Variants in SEL1L observed in about 807,000 individuals in gnomAD.
SEL1L encodes the protein protein sel-1 homolog 1.
Under a neutral mutation model 109.8 loss-of-function variants are expected in SEL1L, and 52 were observed. The ratio of observed to expected loss-of-function variants is 0.47; its 90% confidence interval spans 0.38 to 0.60. The LOEUF (loss-of-function observed/expected upper bound fraction) is 0.60, where lower values mean the gene tolerates loss of function less well. Among genes scored for constraint, SEL1L ranks in the 20% least tolerant of loss-of-function variants. The pLI is 0.00. For missense variants in SEL1L, 749 were observed against 962.2 expected (o/e 0.78, Z 2.93); for synonymous variants, 373 against 339.6 (o/e 1.10, Z -1.08).
chr14:81,483,380 T>C (rs555332258), intron 19 of SEL1L, among the ~76,000 whole-genome samples: 1 of 152,350 alleles, frequency 6.6e-6, no homozygotes, highest in Admixed American at 6.5e-5. Flanking sequence ...CATGAATTTT[T>C]CTTAACACTT....
chr14:81,477,303 A>ATTGTGTGTGTG, intron 20 of SEL1L, 122 bp from the exon 21 acceptor site: 1 of 540,552 alleles, frequency 1.8e-6, no homozygotes, highest in Non-Finnish European at 3.3e-6. Context: ...ACGTTTTGCA[A>ATTGTGTGTGTG]TGTGTGTGTG....
intron 1 of SEL1L, 82 bp downstream of exon 1, chr14:81,533,593 C>A: frequency 1.5e-6 from 2 of 1,371,586 alleles, no homozygotes; most frequent in Non-Finnish European, 2.0e-6. Context: ...GGTCCCGAGC[C>A]TGGAGTCCCC....
intron 3 of SEL1L, among the ~76,000 whole-genome samples, chr14:81,510,753 T>C (rs531396191): frequency 8.5e-5 from 13 of 152,208 alleles, no homozygotes; most frequent in South Asian, 6.2e-4. Flanking sequence ...CTTCCAAACA[T>C]AGAGTACTAA....
In SEL1L at chr14:81,476,378, C is replaced by T. The variant is rs76854770; in HGVS notation, c.*594G>A. The T allele has an allele frequency of 0.046, 7,022 of 152,384 alleles. 503 individuals are homozygous for T. Among genetic ancestry groups the T allele is most frequent in the African/African-American group, 0.15 (6,408 of 41,510 alleles). The allele number at this position is 152,384 out of a possible 1,614,324, so 9.4% of individuals were successfully genotyped here. A position where few individuals can be genotyped will look rare whatever the true frequency, so the allele number is the denominator to read the frequency against. On this transcript the variant is annotated 3_prime_UTR_variant, in exon 21 of 21. Transcript: ENST00000336735. The stretch of plus-strand genomic sequence containing the variant: ...CGTGTGACAATCACCAATAAGAAAC[C>T]TCCCAACCCTCCCTTTTAAAATAAC...
intron 10 of SEL1L, among the ~76,000 whole-genome samples, chr14:81,496,962 A>G (rs532601668): frequency 2.6e-5 from 4 of 152,322 alleles, no homozygotes; most frequent in African/African-American, 9.6e-5. Context: ...GATAACCACT[A>G]CAAGAGTAGC....
intron 3 of SEL1L, among the ~76,000 whole-genome samples, chr14:81,524,226 T>G (rs145047373): frequency 6.6e-6 from 1 of 152,118 alleles, no homozygotes; most frequent in South Asian, 2.1e-4. Context: ...CCAAAACCCC[T>G]AGGCAAAAGA....
At chr14:81,530,705 A>G (rs1451108333) in intron 1 of SEL1L, among the ~76,000 whole-genome samples, 1 of 152,232 alleles carries the variant, frequency 6.6e-6, no homozygotes, top group Non-Finnish European at 1.5e-5. Flanking sequence ...TTATTAATAG[A>G]AAAGAGAAAA....
chr14:81,501,077 C>G (rs189920614), intron 6 of SEL1L, among the ~76,000 whole-genome samples: 47 of 152,290 alleles, frequency 3.1e-4, no homozygotes, highest in African/African-American at 1.1e-3. Context: ...TGAAAACACC[C>G]TAATGAATCC....
intron 3 of SEL1L, among the ~76,000 whole-genome samples, chr14:81,518,969 G>A (rs1884810853): frequency 6.6e-6 from 1 of 152,110 alleles, no homozygotes; most frequent in African/African-American, 2.4e-5. Context: ...GTTGGCCCTT[G>A]GTTAGCATCT....
At chr14:81,506,487 T>C (rs922277515) in intron 3 of SEL1L, among the ~76,000 whole-genome samples, 4 of 152,200 alleles carry the variant, frequency 2.6e-5, no homozygotes, top group Non-Finnish European at 5.9e-5. Flanking sequence ...GTTCCTGATA[T>C]ATAACCTTAG....
At position 81,476,921 on chromosome 14, in the gene SEL1L, CA is replaced by C; in HGVS notation, c.*50del. 1 of 1,584,198 alleles carries C rather than the reference CA, an allele frequency of 6.3e-7. No homozygotes were observed. The highest frequency in any genetic ancestry group is 8.6e-7 in the Non-Finnish European group (1 of 1,157,346). Reference sequence around the variant, plus strand: ...GTCCTAAATCAAATGCAAGTGTTCCCAGCAGATAACTTCCTTCGCTGTCACT... The same window carrying C: ...GTCCTAAATCAAATGCAAGTGTTCCCGCAGATAACTTCCTTCGCTGTCACT... On this transcript the variant is annotated 3_prime_UTR_variant, in exon 21 of 21. Transcript: ENST00000336735.
chr14:81,522,406 T>C (rs1884946290), intron 3 of SEL1L, among the ~76,000 whole-genome samples: 1 of 152,208 alleles, frequency 6.6e-6, no homozygotes, highest in Non-Finnish European at 1.5e-5. Flanking sequence ...TAAAAATCTT[T>C]TATACCATAT....
At position 81,473,586 on chromosome 14, in the gene SEL1L, T is replaced by C. The variant is rs191984106; in HGVS notation, c.*3386A>G. 7 of 152,316 alleles carry C rather than the reference T, an allele frequency of 4.6e-5. No homozygotes were observed. Among genetic ancestry groups the C allele is most frequent in the South Asian group, 2.1e-4 (1 of 4,830 alleles). The allele number at this position is 152,316 out of a possible 1,614,324, so 9.4% of individuals were successfully genotyped here. A position where few individuals can be genotyped will look rare whatever the true frequency, so the allele number is the denominator to read the frequency against. On this transcript the variant is annotated 3_prime_UTR_variant, in exon 21 of 21. Transcript: ENST00000336735. ...TAATGTGTAATACATATATATATTATGAGATTCACTTTCAAAACAAATATC... is the reference window on the plus strand; with the variant it reads ...TAATGTGTAATACATATATATATTACGAGATTCACTTTCAAAACAAATATC...
At chr14:81,480,332 G>A (rs1339415150) in intron 19 of SEL1L, among the ~76,000 whole-genome samples, 1 of 152,150 alleles carries the variant, frequency 6.6e-6, no homozygotes, top group Non-Finnish European at 1.5e-5. Context: ...TGGGACTACA[G>A]GTGCCTGCCA....
At chr14:81,503,189 A>T (rs1218188077) in intron 5 of SEL1L, among the ~76,000 whole-genome samples, 1 of 151,976 alleles carries the variant, frequency 6.6e-6, no homozygotes, top group Non-Finnish European at 1.5e-5. Context: ...ACGGGGTTTC[A>T]CCATGTTGGT....
chr14:81,488,087 T>C, intron 14 of SEL1L, 145 bp from the exon 15 acceptor site: 3 of 590,330 alleles, frequency 5.1e-6, no homozygotes, highest in South Asian at 4.5e-5. Context: ...ATTCTTATAA[T>C]AGATAATAAT....
Position 81,512,635 on chromosome 14 carries a change from T to A in SEL1L, c.341-6394A>T, listed in dbSNP as rs563647576. Among the ~76,000 whole-genome samples, 4 of 152,352 alleles carry A rather than the reference T, an allele frequency of 2.6e-5. No individual in the cohort carries two copies. In the South Asian group the frequency reaches 8.3e-4, roughly 32 times the overall value. On this transcript the variant is annotated intron_variant, in intron 3 of 20. Transcript: ENST00000336735. ...GGAAGAAAGGGAGAGCTGGAGTCTC[T>A]GATGGCACAAGTCCTGAACTGCCTA...
Position 81,525,245 on chromosome 14 carries a change from A to G in SEL1L, c.340+1488T>C, listed in dbSNP as rs572649796. On this transcript the variant is annotated intron_variant, in intron 3 of 20. Transcript: ENST00000336735. ...GGGTGTCATTTTACCCTCTACTTTT[A>G]TGCATGTTTAAAAATTTCCCAGGCT... 9.9e-5 allele frequency among the ~76,000 whole-genome samples: 15 copies of G among 151,840 alleles called. 1 individual carries two copies. The highest frequency in any genetic ancestry group is 9.2e-4 in the Admixed American group (14 of 15,242).
At chr14:81,478,768 C>G (rs1467022582) in intron 20 of SEL1L, among the ~76,000 whole-genome samples, 4 of 152,204 alleles carry the variant, frequency 2.6e-5, no homozygotes, top group Non-Finnish European at 5.9e-5. Context: ...CATTTCTTTT[C>G]ACTGATGCTG....
Sources: allele counts gnomAD v4.1 joint callset (sites outside exome capture counted in the v4.1 genomes callset), GRCh38; gene constraint gnomAD v4.1.1; transcripts MANE v1.5; gene names NCBI Gene and HGNC (gene_info 2026-07-23, HGNC 2026-07-21).